Variants in GLT1D1 observed in about 807,000 individuals in gnomAD.
GLT1D1 encodes glycosyltransferase 1 domain containing 1, also known as glycosyltransferase 1 domain-containing protein 1.
A neutral mutation model predicts 28.7 loss-of-function variants in GLT1D1; 21 were observed. That is an observed-to-expected ratio of 0.73 (90% confidence interval 0.52 to 1.05). The LOEUF (loss-of-function observed/expected upper bound fraction) is 1.05. Ranked by LOEUF, GLT1D1 falls within the 50% of genes least tolerant of loss-of-function variation. The pLI is 0.00. For synonymous variants in GLT1D1, 147 were observed against 124.8 expected, an observed-to-expected ratio of 1.18 and a Z score of -1.19; for missense variants, 343 against 330.6, an observed-to-expected ratio of 1.04 and a Z score of -0.29.
At chr12:128,882,270 C>A (rs1055750173) in intron 2 of GLT1D1, among the ~76,000 whole-genome samples, 25 of 148,138 alleles carry the variant, frequency 1.7e-4, no homozygotes, top group African/African-American at 5.6e-4. Context: ...GCAGGTATAA[C>A]GCAATTTTTT....
intron 7 of GLT1D1, among the ~76,000 whole-genome samples, chr12:128,979,739 C>A (rs900107697): frequency 6.7e-6 from 1 of 149,362 alleles, no homozygotes; most frequent in Non-Finnish European, 1.5e-5. Context: ...GGTAACACTG[C>A]GAGACTCTGT....
intron 2 of GLT1D1, among the ~76,000 whole-genome samples, chr12:128,880,326 A>G (rs906636765): frequency 2.6e-5 from 4 of 152,344 alleles, no homozygotes; most frequent in Non-Finnish European, 5.9e-5. Flanking sequence ...GCCCAGAGGA[A>G]AAAAATCAAT....
chr12:128,924,286 G>A (rs1353504179), intron 4 of GLT1D1, among the ~76,000 whole-genome samples: 2 of 151,856 alleles, frequency 1.3e-5, no homozygotes, highest in African/African-American at 4.8e-5. Context: ...AAGTAGCTCG[G>A]GGTGGTGGTG....
In GLT1D1 at chr12:128,874,144, T is replaced by C. The variant is rs12366521; in HGVS notation, c.69-1770T>C. 2.8e-3 allele frequency among the ~76,000 whole-genome samples: 267 copies of C among 94,508 alleles called. 2 individuals carry two copies. The highest frequency in any genetic ancestry group is 7.2e-3 in the Middle Eastern group (1 of 138). The allele number at this position is 94,508 out of a possible 152,430, so 62.0% of individuals were successfully genotyped here. On this transcript the variant is annotated intron_variant, in intron 1 of 7. Coordinates refer to ENST00000281703, the MANE Select transcript of GLT1D1 (RefSeq NM_144669.3). ...TCTCTCTCTTTCTTTCTTTCTTTCT[T>C]TCTTTCTTTCTTTCTTTCTTTCTTT...
At chr12:128,963,829 AG>A (rs1444067084) in intron 7 of GLT1D1, among the ~76,000 whole-genome samples, 1 of 152,204 alleles carries the variant, frequency 6.6e-6, no homozygotes, top group Non-Finnish European at 1.5e-5. Context: ...GGGAATGCAC[AG>A]TTGGCTGTGG....
In GLT1D1 at chr12:128,962,165, A is replaced by G. The variant is rs144785061; in HGVS notation, c.639+4522A>G. Among the ~76,000 whole-genome samples the G allele has an allele frequency of 1.8e-3, 281 of 152,042 alleles. 2 individuals carry two copies. In the Middle Eastern group the frequency reaches 0.034, roughly 18 times the overall value. On this transcript the variant is annotated intron_variant, in intron 7 of 7. Coordinates refer to ENST00000281703, the MANE Select transcript of GLT1D1 (RefSeq NM_144669.3). Reference sequence around the variant, plus strand: ...CTCGGCCTCCTGGCACTTGTGTCCTATGGCGGCCCCGTGTGCGTGCTCCAG... The same window carrying G: ...CTCGGCCTCCTGGCACTTGTGTCCTGTGGCGGCCCCGTGTGCGTGCTCCAG...
At chr12:128,967,403 T>C (rs941698032) in intron 7 of GLT1D1, among the ~76,000 whole-genome samples, 6 of 152,246 alleles carry the variant, frequency 3.9e-5, no homozygotes, top group Admixed American at 3.9e-4. Context: ...TCTTGGAAGC[T>C]GAGTGATCCT....
At chr12:128,902,423 T>A (rs1250946225) in intron 4 of GLT1D1, among the ~76,000 whole-genome samples, 1 of 148,626 alleles carries the variant, frequency 6.7e-6, no homozygotes, top group African/African-American at 2.5e-5. Context: ...AGGTGGAGGT[T>A]GCAGTGAGCC....
intron 4 of GLT1D1, among the ~76,000 whole-genome samples, chr12:128,900,244 G>T (rs1411659046): frequency 6.6e-6 from 1 of 152,360 alleles, no homozygotes; most frequent in East Asian, 1.9e-4. Flanking sequence ...GCGTTCATCC[G>T]CTGTGCACAA....
intron 7 of GLT1D1, among the ~76,000 whole-genome samples, chr12:128,973,551 G>C (rs189946715): frequency 6.6e-6 from 1 of 151,314 alleles, no homozygotes; most frequent in Non-Finnish European, 1.5e-5. Flanking sequence ...ATTTACCGCC[G>C]CACTTTAATG....
chr12:128,929,399 G>A (rs1873629457), intron 4 of GLT1D1, among the ~76,000 whole-genome samples: 1 of 152,210 alleles, frequency 6.6e-6, no homozygotes, highest in Non-Finnish European at 1.5e-5. Flanking sequence ...CCAGCCAGAT[G>A]GGGTGTACCA....
At chr12:128,959,248 T>C (rs1367126135) in intron 7 of GLT1D1, among the ~76,000 whole-genome samples, 1 of 151,612 alleles carries the variant, frequency 6.6e-6, no homozygotes, top group Non-Finnish European at 1.5e-5. Context: ...ACTCAAATAC[T>C]TGAATATTCA....
intron 6 of GLT1D1, among the ~76,000 whole-genome samples, chr12:128,956,964 C>T (rs1250973689): frequency 6.6e-6 from 1 of 152,264 alleles, no homozygotes; most frequent in African/African-American, 2.4e-5. Flanking sequence ...GCCAGGGCTG[C>T]ACACTGTGCT....
chr12:128,936,156 C>CTTTTT (rs34046835), intron 4 of GLT1D1, among the ~76,000 whole-genome samples: 1 of 138,724 alleles, frequency 7.2e-6, no homozygotes. Flanking sequence ...AATAAAATAT[C>CTTTTT]TTTTTTTTTT....
intron 4 of GLT1D1, 81 bp from the exon 8 acceptor site, chr12:128,927,024 T>C: frequency 1.2e-6 from 1 of 864,856 alleles, no homozygotes; most frequent in Non-Finnish European, 1.8e-6. Context: ...TATTGAGAAA[T>C]TTATATTGAA....
intron 1 of GLT1D1, among the ~76,000 whole-genome samples, chr12:128,857,892 G>C (rs1297956811): frequency 6.6e-6 from 1 of 152,210 alleles, no homozygotes; most frequent in Non-Finnish European, 1.5e-5. Context: ...GGGAAGCACA[G>C]AATCCTCTGG....
intron 3 of GLT1D1, among the ~76,000 whole-genome samples, chr12:128,891,350 G>A (rs1220056912): frequency 1.3e-5 from 2 of 152,146 alleles, no homozygotes; most frequent in Admixed American, 6.6e-5. Context: ...CCTCCCACAT[G>A]TTCACTGGCT....
At chr12:128,865,555 G>T (rs1408694751) in intron 1 of GLT1D1, among the ~76,000 whole-genome samples, 1 of 152,150 alleles carries the variant, frequency 6.6e-6, no homozygotes, top group Non-Finnish European at 1.5e-5. Flanking sequence ...GGGCCCGGTG[G>T]CTCACGCCTG....
intron 6 of GLT1D1, among the ~76,000 whole-genome samples, chr12:128,950,052 T>C (rs575128333): frequency 2.6e-4 from 40 of 151,726 alleles, no homozygotes; most frequent in Non-Finnish European, 4.9e-4. Flanking sequence ...AGTTTCTGAG[T>C]GTGTGTGTGT....
Sources: gnomAD v4.1 joint callset for allele counts (sites outside exome capture counted in the v4.1 genomes callset) on GRCh38, gnomAD v4.1.1 for gene constraint, MANE v1.5 for transcripts, NCBI Gene and HGNC (gene_info 2026-07-23, HGNC 2026-07-21) for gene names.